The following ESRP1 variants were observed in gnomAD, a reference collection of about 807,000 sequenced individuals.
ESRP1 encodes the protein RNA-binding motif protein 35A.
ESRP1 carries 33 observed loss-of-function variants against 81.7 expected under a neutral mutation model. The observed-to-expected ratio is 0.40, with a 90% CI of 0.31 to 0.54. The LOEUF is 0.54. Ranked by LOEUF, ESRP1 falls within the 20% of genes least tolerant of loss-of-function variation. The probability of loss-of-function intolerance (pLI) is 0.41; values close to 1 mark genes in which losing one functional copy is unlikely to be tolerated. For missense variants in ESRP1, 672 were observed against 833.1 expected, an observed-to-expected ratio of 0.81 and a Z score of 2.38; for synonymous variants, 320 against 303.3, an observed-to-expected ratio of 1.06 and a Z score of -0.57.
intron 11 of ESRP1, among the ~76,000 whole-genome samples, chr8:94,672,692 C>T (rs991854064): frequency 6.6e-6 from 1 of 152,116 alleles, no homozygotes; most frequent in African/African-American, 2.4e-5. Flanking sequence ...ACCACCATTC[C>T]CGGCTAATTT....
Position 94,671,591 on chromosome 8 carries a change from A to G in ESRP1, c.1372A>G (p.Ile458Val), listed in dbSNP as rs780215030. 54 of 1,613,822 alleles carry G rather than the reference A, an allele frequency of 3.3e-5. No homozygotes were observed. Among genetic ancestry groups the G allele is most frequent in the Middle Eastern group, 1.6e-4 (1 of 6,084 alleles). ...RLRGLPYAAT[I>V]EDILDFLGEF... The stretch of plus-strand genomic sequence containing the variant: ...TCGAGGTCTTCCCTATGCAGCCACA[A>G]TTGAGGACATCCTGGATTTCCTGGG... Residue 458 changes from isoleucine (I) to valine (V), a missense_variant, in exon 11 of 16, where the codon ATT becomes GTT. Coordinates refer to ENST00000433389, the MANE Select transcript of ESRP1 (RefSeq NM_017697.4).
In ESRP1 at chr8:94,664,740, C is replaced by G. The variant is rs1818930208; in HGVS notation, c.688C>G (p.Arg230Gly). ...LIDDNTVVRARGLPWQSSDQD... is the reference protein window; with the variant it reads ...LIDDNTVVRAGGLPWQSSDQD... ...TGATGATAACACCGTAGTCAGGGCACGAGGTTTACCATGGCAGTCTTCAGA... is the reference window on the plus strand; with the variant it reads ...TGATGATAACACCGTAGTCAGGGCAGGAGGTTTACCATGGCAGTCTTCAGA... The change falls in exon 7 of 16, where the codon CGA (arginine) becomes GGA (glycine). Residue 230 changes from arginine (R) to glycine (G), a missense_variant. Transcript: ENST00000433389. 6.2e-7 allele frequency: 1 copy of G among 1,613,768 alleles called. No homozygotes were observed. Among genetic ancestry groups the G allele is most frequent in the Admixed American group, 1.7e-5 (1 of 59,992 alleles).
chr8:94,705,156 CTTTTTT>C (rs57801249), intron 15 of ESRP1, among the ~76,000 whole-genome samples: 15 of 90,536 alleles, frequency 1.7e-4, no homozygotes, highest in Admixed American at 5.5e-4. Context: ...TGCCTTATTG[CTTTTTT>C]TTTTTTTTTT....
chr8:94,664,007 C>T (rs574045444), intron 6 of ESRP1, among the ~76,000 whole-genome samples: 3 of 151,958 alleles, frequency 2.0e-5, no homozygotes, highest in African/African-American at 7.2e-5. Flanking sequence ...GGCTGCTAAA[C>T]TGGATTTAAA....
chr8:94,647,731 T>C (rs1586173985), intron 4 of ESRP1, among the ~76,000 whole-genome samples: 1 of 152,338 alleles, frequency 6.6e-6, no homozygotes, highest in Middle Eastern at 3.4e-3. Context: ...TTCTTAAGTA[T>C]ATATTAAACT....
Position 94,674,526 on chromosome 8 carries a change from T to G in ESRP1, c.1651+20T>G. 6.2e-7 allele frequency: 1 copy of G among 1,609,092 alleles called. No homozygotes were observed. Among genetic ancestry groups the G allele is most frequent in the Non-Finnish European group, 8.5e-7 (1 of 1,177,576 alleles). ...TACCATGTAAGTTTTTCTTGGGTCT[T>G]GGCGCTATTCTACGCTATATGCTGG... On this transcript the variant is annotated intron_variant, in intron 12 of 15. Coordinates refer to ENST00000433389, the MANE Select transcript of ESRP1 (RefSeq NM_017697.4).
rs35903773 is a variant in ESRP1, at chr8:94,651,987, CT to C, written c.490+5728del. Among the ~76,000 whole-genome samples the C allele has an allele frequency of 1.9e-3, 121 of 65,216 alleles. 2 individuals are homozygous for C. Among genetic ancestry groups the C allele is most frequent in the South Asian group, 8.3e-3 (12 of 1,448 alleles). 42.8% of individuals were successfully genotyped at this position (65,216 alleles called of 152,430 possible). A position where few individuals can be genotyped will look rare whatever the true frequency, so the allele number is the denominator to read the frequency against. ...TGTCTTTGTATTTGTTCTAAAACGC[CT>C]TTTTTTTTTTTTTTTTTTTTTTGAC... On this transcript the variant is annotated intron_variant, in intron 4 of 15. Coordinates refer to ENST00000433389, the MANE Select transcript of ESRP1 (RefSeq NM_017697.4).
chr8:94,642,440 C>A (rs1168885091), intron 2 of ESRP1, among the ~76,000 whole-genome samples: 2 of 152,224 alleles, frequency 1.3e-5, no homozygotes, highest in Admixed American at 1.3e-4. Flanking sequence ...CGCTCCCCTG[C>A]GGGGTTTGGG....
intron 1 of ESRP1, 171 bp from the exon 2 acceptor site, chr8:94,641,785 G>T: frequency 2.2e-6 from 2 of 919,868 alleles, no homozygotes; most frequent in South Asian, 2.1e-5. Context: ...CGGGTGGGGG[G>T]TGGGGCGGGG....
chr8:94,700,995 G>A (rs1050196049), intron 15 of ESRP1, among the ~76,000 whole-genome samples: 5 of 150,226 alleles, frequency 3.3e-5, no homozygotes, highest in African/African-American at 7.5e-5. Flanking sequence ...TAAGAGGGCC[G>A]GGTGCGGTTG....
At position 94,674,298 on chromosome 8, in the gene ESRP1, A is replaced by G. The variant is rs1819483574; in HGVS notation, c.1453-10A>G. The G allele has an allele frequency of 1.9e-6, 3 of 1,610,092 alleles. No homozygotes were observed. Among genetic ancestry groups the G allele is most frequent in the Non-Finnish European group, 2.5e-6 (3 of 1,179,110 alleles). ...CTCCTTTTGTTTTTATTCTTCCCCC[A>G]CACACTCAGGGCCGCCCATCAGGAG... is the stretch of plus-strand genomic sequence containing the variant. On this transcript the variant is annotated splice_polypyrimidine_tract_variant and intron_variant, in intron 11 of 15. Coordinates refer to ENST00000433389, the MANE Select transcript of ESRP1 (RefSeq NM_017697.4).
intron 13 of ESRP1, among the ~76,000 whole-genome samples, chr8:94,678,635 A>G (rs954995318): frequency 1.3e-5 from 2 of 152,238 alleles, no homozygotes; most frequent in African/African-American, 4.8e-5. Context: ...ATAGGACCCC[A>G]AGTGAGTAGT....
At chr8:94,696,724 G>T (rs1024222828) in intron 14 of ESRP1, 128 bp from the exon 15 acceptor site, 13 of 671,074 alleles carry the variant, frequency 1.9e-5, no homozygotes, top group South Asian at 2.1e-5. Flanking sequence ...TATATGGCTT[G>T]TACCTGTGTT....
chr8:94,669,739 G>A lies in ESRP1; in HGVS notation c.1233+1489G>A, dbSNP rs913443979. On this transcript the variant is annotated intron_variant, in intron 10 of 15. Coordinates refer to ENST00000433389, the MANE Select transcript of ESRP1 (RefSeq NM_017697.4). ...AAAAAAATTAGGCAGTCATGGCAGT[G>A]TGCGCCTTTAGTCCCAGCTACTCGG... Among the ~76,000 whole-genome samples the A allele has an allele frequency of 2.0e-5, 3 of 152,006 alleles. No homozygotes were observed. The East Asian group carries it at 5.8e-4, about 29-fold the overall frequency.
chr8:94,699,755 A>T (rs73695569), intron 15 of ESRP1, among the ~76,000 whole-genome samples: 3,092 of 152,302 alleles, frequency 0.02, 96 homozygotes, highest in African/African-American at 0.069. Flanking sequence ...CTCATTGCAA[A>T]GAATTTGGAA....
chr8:94,654,169 T>C (rs1454249409), intron 4 of ESRP1, among the ~76,000 whole-genome samples: 3 of 136,692 alleles, frequency 2.2e-5, no homozygotes, highest in African/African-American at 8.1e-5. Flanking sequence ...AAATACAAAA[T>C]TATCTGGGTG....
intron 11 of ESRP1, among the ~76,000 whole-genome samples, chr8:94,673,931 A>G (rs534715471): frequency 2.0e-5 from 3 of 152,322 alleles, no homozygotes; most frequent in Non-Finnish European, 2.9e-5. Flanking sequence ...TTCTGTTACT[A>G]GCTTTTCTCA....
At chr8:94,673,998 A>G (rs1819464905) in intron 11 of ESRP1, among the ~76,000 whole-genome samples, 1 of 152,248 alleles carries the variant, frequency 6.6e-6, no homozygotes, top group Admixed American at 6.5e-5. Context: ...ATACGATCCT[A>G]TATTTTGAAG....
At chr8:94,703,757 G>A (rs147953731) in intron 15 of ESRP1, among the ~76,000 whole-genome samples, 6 of 152,238 alleles carry the variant, frequency 3.9e-5, no homozygotes, top group East Asian at 3.9e-4. Flanking sequence ...CCTGGCTTAC[G>A]TTCATCCTAA....
Sources: allele counts gnomAD v4.1 joint callset (sites outside exome capture counted in the v4.1 genomes callset), GRCh38; gene constraint gnomAD v4.1.1; transcripts MANE v1.5; gene names NCBI Gene and HGNC (gene_info 2026-07-23, HGNC 2026-07-21).